The following IQCM variants were observed in gnomAD, a reference collection of about 807,000 sequenced individuals.
The protein encoded by IQCM is IQ domain-containing protein M.
In IQCM, 45 loss-of-function variants were observed where a neutral mutation model predicts 57.6. That is an observed-to-expected ratio of 0.78 (90% CI 0.62 to 1.00). IQCM has a LOEUF of 1.00. Among genes scored for constraint, IQCM ranks in the 50% least tolerant of loss-of-function variants. The pLI is 0.00. For missense variants in IQCM, 468 were observed against 511.6 expected (o/e 0.91, Z 0.82); for synonymous variants, 148 against 158.9 (o/e 0.93, Z 0.51).
intron 13 of IQCM, among the ~76,000 whole-genome samples, chr4:149,407,685 T>C (rs1300144943): frequency 6.6e-6 from 1 of 152,170 alleles, no homozygotes; most frequent in African/African-American, 2.4e-5. Flanking sequence ...TATTACATAG[T>C]GTATATGTAC....
chr4:149,454,565 A>T (rs2111430629), intron 12 of IQCM, among the ~76,000 whole-genome samples: 2 of 152,050 alleles, frequency 1.3e-5, no homozygotes, highest in Middle Eastern at 3.4e-3. Flanking sequence ...AGCCCCAGTG[A>T]CAGCCAATTT....
intron 5 of IQCM, among the ~76,000 whole-genome samples, chr4:149,716,781 T>A (rs1207002640): frequency 6.6e-6 from 1 of 152,222 alleles, no homozygotes; most frequent in African/African-American, 2.4e-5. Context: ...AGGCAAAAGC[T>A]TGGAGTCATC....
intron 2 of IQCM, among the ~76,000 whole-genome samples, chr4:149,803,000 G>A (rs1054203392): frequency 2.0e-5 from 3 of 151,866 alleles, no homozygotes; most frequent in Admixed American, 2.0e-4. Context: ...TCAACTTCAT[G>A]AGTTAGACTC....
At chr4:149,779,951 C>T (rs1488035167) in intron 2 of IQCM, among the ~76,000 whole-genome samples, 1 of 151,968 alleles carries the variant, frequency 6.6e-6, no homozygotes. Flanking sequence ...CTGAAAAATC[C>T]AAATCTAATG....
chr4:149,646,191 G>A (rs1164125844), intron 7 of IQCM, among the ~76,000 whole-genome samples: 2 of 152,134 alleles, frequency 1.3e-5, no homozygotes, highest in South Asian at 2.1e-4. Context: ...TTCTTTTATC[G>A]AGGCTTAATA....
intron 13 of IQCM, among the ~76,000 whole-genome samples, chr4:149,355,094 A>G (rs998340989): frequency 4.6e-5 from 7 of 152,150 alleles, no homozygotes; most frequent in Non-Finnish European, 7.4e-5. Flanking sequence ...CTACCCTATG[A>G]TATCATAAAA....
chr4:149,462,267 A>G (rs1022595790), intron 12 of IQCM, among the ~76,000 whole-genome samples: 1 of 152,190 alleles, frequency 6.6e-6, no homozygotes, highest in Non-Finnish European at 1.5e-5. Flanking sequence ...AAGCTTCTCC[A>G]GGGCTGGTTT....
At chr4:149,773,180 T>A (rs1580260674) in intron 2 of IQCM, among the ~76,000 whole-genome samples, 2 of 152,046 alleles carry the variant, frequency 1.3e-5, no homozygotes, top group African/African-American at 4.8e-5. Flanking sequence ...TGAAACCCCA[T>A]CTCTACTAAT....
At chr4:149,727,259 C>T (rs755364315) in intron 5 of IQCM, among the ~76,000 whole-genome samples, 1 of 152,144 alleles carries the variant, frequency 6.6e-6, no homozygotes, top group Non-Finnish European at 1.5e-5. Flanking sequence ...ATTGCCTCCT[C>T]AAACTTAAAA....
At chr4:149,422,622 C>A in intron 13 of IQCM, among the ~76,000 whole-genome samples, 1 of 151,914 alleles carries the variant, frequency 6.6e-6, no homozygotes, top group Admixed American at 6.6e-5. Flanking sequence ...TGTGTGCGCA[C>A]GCATGTGTGC....
intron 5 of IQCM, among the ~76,000 whole-genome samples, chr4:149,686,973 C>A (rs1482321696): frequency 6.6e-6 from 1 of 151,546 alleles, no homozygotes; most frequent in Non-Finnish European, 1.5e-5. Context: ...TTTAAAAAAT[C>A]TACTTCTTCA....
At chr4:149,505,105 C>T (rs1030188998) in intron 12 of IQCM, among the ~76,000 whole-genome samples, 1 of 152,118 alleles carries the variant, frequency 6.6e-6, no homozygotes, top group Non-Finnish European at 1.5e-5. Flanking sequence ...TGAACTAAGA[C>T]AGCAACCTAT....
intron 13 of IQCM, among the ~76,000 whole-genome samples, chr4:149,412,212 A>G (rs1733437668): frequency 6.6e-6 from 1 of 152,086 alleles, no homozygotes; most frequent in Admixed American, 6.6e-5. Context: ...TCTAATAGTT[A>G]TATCTTTGAG....
At chr4:149,815,196 G>A (rs1274080014) in intron 2 of IQCM, 115 bp downstream of exon 2, 1 of 151,880 alleles carries the variant, frequency 6.6e-6, no homozygotes, top group Non-Finnish European at 1.5e-5. Flanking sequence ...AGCTACATGG[G>A]GGGTATAGTT....
chr4:149,807,040 A>G (rs1774147106), intron 2 of IQCM, among the ~76,000 whole-genome samples: 1 of 151,844 alleles, frequency 6.6e-6, no homozygotes. Context: ...TATATTTCAC[A>G]CTCATGGACT....
intron 5 of IQCM, among the ~76,000 whole-genome samples, chr4:149,717,344 T>G (rs564003232): frequency 1.7e-3 from 261 of 152,248 alleles, no homozygotes; most frequent in African/African-American, 5.2e-3. Context: ...TGGTGTCCAC[T>G]GGAGAACTGC....
chr4:149,806,615 A>G (rs183010957), intron 2 of IQCM, among the ~76,000 whole-genome samples: 3 of 152,130 alleles, frequency 2.0e-5, no homozygotes, highest in Admixed American at 1.3e-4. Flanking sequence ...GAGAAATGGT[A>G]ATGAACTTTT....
chr4:149,517,114 G>GAAAAAA, intron 12 of IQCM, among the ~76,000 whole-genome samples: 1 of 83,892 alleles, frequency 1.2e-5, no homozygotes, highest in Non-Finnish European at 2.2e-5. Context: ...ACTCCACCAG[G>GAAAAAA]AAAAAAAAAA....
At chr4:149,507,489 G>T (rs1465135226) in intron 12 of IQCM, among the ~76,000 whole-genome samples, 1 of 152,194 alleles carries the variant, frequency 6.6e-6, no homozygotes, top group Non-Finnish European at 1.5e-5. Flanking sequence ...TTGGGAATTG[G>T]AGCAAAGGTG....
Sources: allele counts gnomAD v4.1 joint callset (sites outside exome capture counted in the v4.1 genomes callset), GRCh38; gene constraint gnomAD v4.1.1; transcripts MANE v1.5; gene names NCBI Gene and HGNC (gene_info 2026-07-23, HGNC 2026-07-21).